The following ZP2 variants were observed in gnomAD, a reference collection of about 807,000 sequenced individuals.
ZP2 encodes the protein zona pellucida glycoprotein 2.
A neutral mutation model predicts 84.0 loss-of-function variants in ZP2; 51 were observed. The observed-to-expected ratio is 0.61, with a 90% CI of 0.49 to 0.77. ZP2 has a LOEUF of 0.77. ZP2 is among the 30% of genes least tolerant of loss of function. ZP2 has a pLI of 0.00. For missense variants in ZP2, 909 were observed against 911.9 expected, an observed-to-expected ratio of 1.00 and a Z score of 0.04; for synonymous variants, 375 against 330.9, an observed-to-expected ratio of 1.13 and a Z score of -1.45.
At chr16:21,212,763 A>T (rs1362209077), upstream of ZP2, among the ~76,000 whole-genome samples, 2 of 152,194 alleles carry the variant, frequency 1.3e-5, no homozygotes, top group East Asian at 3.8e-4. Context: ...TCTAATAAGA[A>T]TGTTATATTG....
At chr16:21,211,618 C>T (rs761488242), upstream of ZP2, 26 of 1,611,454 alleles carry the variant, frequency 1.6e-5, no homozygotes, top group Middle Eastern at 1.7e-4. Context: ...GGAAGCCAGC[C>T]GCATCCACAC....
chr16:21,210,586 A>G (rs2093270168), intron 2 of ZP2, among the ~76,000 whole-genome samples: 1 of 151,890 alleles, frequency 6.6e-6, no homozygotes. Flanking sequence ...TTATTTATTT[A>G]TTTATTTTGA....
chr16:21,207,667 CA>C (rs2093256327), intron 4 of ZP2, among the ~76,000 whole-genome samples: 1 of 124,632 alleles, frequency 8.0e-6, no homozygotes, highest in East Asian at 2.0e-4. Context: ...CACACACACA[CA>C]CACACACACA....
At chr16:21,207,900 C>G (rs556544707) in intron 4 of ZP2, among the ~76,000 whole-genome samples, 66 of 151,836 alleles carry the variant, frequency 4.3e-4, no homozygotes, top group African/African-American at 1.5e-3. Context: ...AAAACCAAAC[C>G]AAAACAAAAA....
chr16:21,198,723 G>A, intron 17 of ZP2, 56 bp downstream of exon 17: 1 of 1,472,330 alleles, frequency 6.8e-7, no homozygotes, highest in Non-Finnish European at 9.5e-7. Flanking sequence ...CTGACCGCTT[G>A]GCATAAAAAG....
At chr16:21,211,929 AT>A (rs35514328), upstream of ZP2, among the ~76,000 whole-genome samples, 20,885 of 142,124 alleles carry the variant, frequency 0.15, 1,400 homozygotes, top group African/African-American at 0.17. Flanking sequence ...ACACCACTAC[AT>A]TTTTTTTTTT....
At chr16:21,205,619 C>T (rs1189340126) in intron 6 of ZP2, 35 bp from the exon 7 acceptor site, 1 of 1,613,034 alleles carries the variant, frequency 6.2e-7, no homozygotes, top group Non-Finnish European at 8.5e-7. Context: ...AGGGCTGGTG[C>T]TCCCTTAACC....
At chr16:21,211,712 C>A, upstream of ZP2, 1 of 1,516,602 alleles carries the variant, frequency 6.6e-7, no homozygotes, top group Non-Finnish European at 8.8e-7. Context: ...GCCTCTGATT[C>A]CTGACAGCTT....
rs1315134397 is a variant in ZP2, at chr16:21,210,150, G to A, written c.194C>T (p.Pro65Leu). The A allele has an allele frequency of 1.2e-6, 2 of 1,613,928 alleles. No individual in the cohort carries two copies. The highest frequency in any genetic ancestry group is 4.5e-5 in the East Asian group (2 of 44,868). ...CDEREITVEF[P>L]SSPGTKKWHA... ...CCATTTCTTGGTGCCAGGACTGCTT[G>A]GGAACTCCACTGTTATTTCCCTTTC... Residue 65 changes from proline (P) to leucine (L), a missense_variant, in exon 3 of 19, where the codon CCA becomes CTA. Transcript: ENST00000574091.
At chr16:21,212,697 G>T (rs28686859), upstream of ZP2, among the ~76,000 whole-genome samples, 3,377 of 152,244 alleles carry the variant, frequency 0.022, 120 homozygotes, top group African/African-American at 0.077. Flanking sequence ...ATATCCTTGG[G>T]TAACCCTCAA....
chr16:21,203,025 T>G, intron 10 of ZP2, 100 bp downstream of exon 10: 1 of 1,416,682 alleles, frequency 7.1e-7, no homozygotes, highest in Non-Finnish European at 9.5e-7. Flanking sequence ...CTTCAGTCTA[T>G]AAGCAATAGA....
intron 3 of ZP2, 170 bp downstream of exon 3, chr16:21,209,939 C>G: frequency 1.4e-6 from 1 of 701,222 alleles, no homozygotes; most frequent in Non-Finnish European, 2.5e-6. Context: ...CGAAGACAGA[C>G]AGGTCTTCCA....
In ZP2 at chr16:21,208,779, C is replaced by T. The variant is rs77418446; in HGVS notation, c.330+852G>A. ...TTGGGGTTCACAGATCAAAATAGCT[C>T]GTGTTTCATCACTTGTTGTATCCAG... On this transcript the variant is annotated intron_variant, in intron 4 of 18. Transcript: ENST00000574091. 3.6e-3 allele frequency among the ~76,000 whole-genome samples: 548 copies of T among 152,252 alleles called. 4 individuals are homozygous for T. The highest frequency in any genetic ancestry group is 0.013 in the African/African-American group (525 of 41,556).
chr16:21,205,609 A>C, intron 6 of ZP2, 25 bp from the exon 7 acceptor site: 1 of 1,613,670 alleles, frequency 6.2e-7, no homozygotes, highest in Non-Finnish European at 8.5e-7. Flanking sequence ...CTTTGTTTAG[A>C]GGGCTGGTGC....
In ZP2 at chr16:21,206,835, C is replaced by T; in HGVS notation, c.483+3G>A. On this transcript the variant is annotated splice_donor_region_variant and intron_variant, in intron 5 of 18. Coordinates refer to ENST00000574091, the MANE Select transcript of ZP2 (RefSeq NM_001376232.1). Reference sequence around the variant, plus strand: ...CCCCGAGCAGTCAGCCCGTTTCACTCACAGACATGAAATCCTTCTGGCAGA... The same window carrying T: ...CCCCGAGCAGTCAGCCCGTTTCACTTACAGACATGAAATCCTTCTGGCAGA... 1 of 1,614,122 alleles carries T rather than the reference C, an allele frequency of 6.2e-7. No homozygotes were observed. Among genetic ancestry groups the T allele is most frequent in the Non-Finnish European group, 8.5e-7 (1 of 1,179,994 alleles).
rs2075526 is a variant in ZP2 at position 21,204,351 on chromosome 16, A to G, written c.747T>C (p.Pro249=). The G allele has an allele frequency of 0.29, 467,713 of 1,613,452 alleles. 69,451 individuals carry two copies. Among genetic ancestry groups the G allele is most frequent in the East Asian group, 0.42 (18,745 of 44,858 alleles). The change falls in exon 8 of 19, where the codon CCT becomes CCC. Residue 249 remains proline, a synonymous_variant. Coordinates refer to ENST00000574091, the MANE Select transcript of ZP2 (RefSeq NM_001376232.1). ...GTGAAGAGAAGATCACCTTCTGTCC[A>G]GGAGATATAAATGTAAGCTTCAGAG... ...MVSLKLTFIS[P]GQKVIFSSQA... is the part of the protein sequence containing the mutation.
chr16:21,199,846 G>A lies in ZP2; in HGVS notation c.1727C>T (p.Thr576Ile). ...CAYDLDNYQT[T>I]FHPVGSSVTH... Reference sequence around the variant, plus strand: ...CACAGAGGAGCCGACTGGATGGAAGGTGGTCTGGTAGTTGTCCAGGTCATA... The same window carrying A: ...CACAGAGGAGCCGACTGGATGGAAGATGGTCTGGTAGTTGTCCAGGTCATA... Residue 576 changes from threonine (T) to isoleucine (I), a missense_variant, in exon 15 of 19, where the codon ACC (threonine) becomes ATC (isoleucine). By Grantham distance (89) the Thr-to-Ile change is moderately conservative. Transcript: ENST00000574091. The A allele has an allele frequency of 6.2e-7, 1 of 1,612,992 alleles. No individual in the cohort carries two copies. Among genetic ancestry groups the A allele is most frequent in the Non-Finnish European group, 8.5e-7 (1 of 1,180,008 alleles).
chr16:21,210,042 C>T (rs1482612647), intron 3 of ZP2, 67 bp downstream of exon 3: 6 of 1,429,320 alleles, frequency 4.2e-6, no homozygotes, highest in Non-Finnish European at 2.0e-6. Flanking sequence ...GCTCCCCAAA[C>T]AGGATTGACC....
chr16:21,213,958 A>G (rs8064027), upstream of ZP2, among the ~76,000 whole-genome samples: 90,318 of 151,452 alleles, frequency 0.6, 27,445 homozygotes, highest in Admixed American at 0.64. Flanking sequence ...AGGTGGTCAG[A>G]GAAGTGATGG....
Sources: gnomAD v4.1 joint callset for allele counts (sites outside exome capture counted in the v4.1 genomes callset) on GRCh38, gnomAD v4.1.1 for gene constraint, MANE v1.5 for transcripts, NCBI Gene and HGNC (gene_info 2026-07-23, HGNC 2026-07-21) for gene names.